Variants in TBC1D32 observed in about 807,000 individuals in gnomAD.
TBC1D32 encodes the protein protein broad-minded.
Under a neutral mutation model 170.3 loss-of-function variants are expected in TBC1D32, and 151 were observed. The ratio of observed to expected loss-of-function variants is 0.89; its 90% CI spans 0.78 to 1.01. TBC1D32 has a LOEUF of 1.01. TBC1D32 is among the 50% of genes least tolerant of loss of function. The probability of loss-of-function intolerance (pLI) is 0.00; values close to 1 mark genes in which losing one functional copy is unlikely to be tolerated. For missense variants in TBC1D32, 1,464 were observed against 1,457.1 expected (o/e 1.00, Z -0.08); for synonymous variants, 498 against 488.0 (o/e 1.02, Z -0.27).
intron 15 of TBC1D32, among the ~76,000 whole-genome samples, chr6:121,264,497 C>G (rs888696639): frequency 6.6e-6 from 1 of 152,128 alleles, no homozygotes; most frequent in African/African-American, 2.4e-5. Flanking sequence ...CCAAGAGGAG[C>G]TGGTACCATT....
intron 15 of TBC1D32, among the ~76,000 whole-genome samples, chr6:121,276,103 G>C (rs1802170015): frequency 1.5e-5 from 2 of 137,778 alleles, no homozygotes; most frequent in African/African-American, 5.4e-5. Context: ...CTGGGCAACA[G>C]AGTGAGACCT....
At chr6:121,140,942 C>T (rs1280594131) in intron 24 of TBC1D32, among the ~76,000 whole-genome samples, 1 of 152,026 alleles carries the variant, frequency 6.6e-6, no homozygotes. Context: ...TTAGATTAGC[C>T]TGAACAAAAG....
chr6:121,106,269 T>G, intron 29 of TBC1D32, 106 bp from the exon 30 acceptor site: 1 of 582,716 alleles, frequency 1.7e-6, no homozygotes, highest in Non-Finnish European at 2.4e-6. Context: ...TGTAAATTGC[T>G]GCTTCAAAAT....
rs148904890 is a variant in TBC1D32, at chr6:121,148,768, C to T, written c.2773+11242G>A. ...AGCTGGGATTACAGGCATGTGCCAC[C>T]ATGCCCAGCGAATGTTTGGATTTTT... is the stretch of plus-strand genomic sequence containing the variant. On this transcript the variant is annotated intron_variant, in intron 24 of 31. Coordinates refer to ENST00000398212, the MANE Select transcript of TBC1D32 (RefSeq NM_152730.6). 6.9e-3 allele frequency among the ~76,000 whole-genome samples: 1,055 copies of T among 152,196 alleles called. 11 individuals are homozygous for T. The highest frequency in any genetic ancestry group is 0.048 in the Middle Eastern group (14 of 294).
At chr6:121,256,754 C>G (rs1241002845) in intron 15 of TBC1D32, among the ~76,000 whole-genome samples, 2 of 151,444 alleles carry the variant, frequency 1.3e-5, no homozygotes, top group Non-Finnish European at 2.9e-5. Flanking sequence ...TTGGCTCACT[C>G]TGCCTGCTGG....
chr6:121,244,563 T>C (rs1797378018), intron 17 of TBC1D32, among the ~76,000 whole-genome samples: 1 of 152,144 alleles, frequency 6.6e-6, no homozygotes, highest in South Asian at 2.1e-4. Context: ...GCTGTGTTTT[T>C]AGTTTGAAAT....
rs1783531567 is a variant in TBC1D32 at position 121,146,975 on chromosome 6, T to C, written c.2773+13035A>G. Among the ~76,000 whole-genome samples, 4 of 152,184 alleles carry C rather than the reference T, an allele frequency of 2.6e-5. No homozygotes were observed. In the South Asian group the frequency reaches 8.3e-4, roughly 32 times the overall value. On this transcript the variant is annotated intron_variant, in intron 24 of 31. Coordinates refer to ENST00000398212, the MANE Select transcript of TBC1D32 (RefSeq NM_152730.6). ...TCATCCCATGCTCCCCCTTCCTCCC[T>C]CCATCACCCTATCTAGTAGTCCCTA...
chr6:121,162,020 T>A (rs1785748467), intron 22 of TBC1D32, among the ~76,000 whole-genome samples: 1 of 152,244 alleles, frequency 6.6e-6, no homozygotes, highest in Admixed American at 6.5e-5. Context: ...GCCCACTTTT[T>A]AATGGGACTG....
chr6:121,290,375 T>C (rs1238246078), intron 12 of TBC1D32, among the ~76,000 whole-genome samples: 1 of 152,144 alleles, frequency 6.6e-6, no homozygotes, highest in African/African-American at 2.4e-5. Context: ...AAGACATTTA[T>C]GCAGCCAAAA....
chr6:121,212,212 G>A (rs763725338), intron 21 of TBC1D32, among the ~76,000 whole-genome samples: 11 of 152,014 alleles, frequency 7.2e-5, no homozygotes, highest in Middle Eastern at 3.4e-3. Context: ...AACAAGCTCC[G>A]AAATTGAATC....
At chr6:121,208,899 T>C (rs949158871) in intron 21 of TBC1D32, among the ~76,000 whole-genome samples, 3 of 152,016 alleles carry the variant, frequency 2.0e-5, no homozygotes, top group East Asian at 3.9e-4. Flanking sequence ...TGGTAATGTG[T>C]TACGACAGAC....
chr6:121,208,268 A>T lies in TBC1D32; in HGVS notation c.2482-3105T>A, dbSNP rs547643098. ...ATACCTGAGACTGGGTAATTTATTT[A>T]AAAAAAAAGGAGGTTTAATTAACTC... On this transcript the variant is annotated intron_variant, in intron 21 of 31. Transcript: ENST00000398212. Among the ~76,000 whole-genome samples, 322 of 150,942 alleles carry T rather than the reference A, an allele frequency of 2.1e-3. 1 individual carries two copies. The highest frequency in any genetic ancestry group is 6.8e-3 in the African/African-American group (281 of 41,172).
At chr6:121,292,591 C>G (rs1022981980) in intron 11 of TBC1D32, among the ~76,000 whole-genome samples, 1 of 152,126 alleles carries the variant, frequency 6.6e-6, no homozygotes, top group African/African-American at 2.4e-5. Flanking sequence ...TTAACAAGCA[C>G]GTCTAAGTGA....
chr6:121,178,322 C>T (rs1788042063), intron 22 of TBC1D32, among the ~76,000 whole-genome samples: 1 of 151,978 alleles, frequency 6.6e-6, no homozygotes, highest in South Asian at 2.1e-4. Flanking sequence ...GTTATGGTGA[C>T]ATGAGAAATC....
In TBC1D32 at chr6:121,259,499, C is replaced by G. The variant is rs1027876153; in HGVS notation, c.1734-3214G>C. ...AAAAACAGTTGTTATTGATAAAGAC[C>G]TCTAGTGAAATATGGCAGACTGAAC... On this transcript the variant is annotated intron_variant, in intron 15 of 31. Coordinates refer to ENST00000398212, the MANE Select transcript of TBC1D32 (RefSeq NM_152730.6). Among the ~76,000 whole-genome samples, 7 of 151,934 alleles carry G rather than the reference C, an allele frequency of 4.6e-5. No individual in the cohort carries two copies. In the South Asian group the frequency reaches 1.0e-3, roughly 23 times the overall value.
chr6:121,143,929 A>T (rs1482300462), intron 24 of TBC1D32, among the ~76,000 whole-genome samples: 2 of 152,102 alleles, frequency 1.3e-5, no homozygotes, highest in African/African-American at 2.4e-5. Flanking sequence ...ATGGTCAGTG[A>T]CACAGATATC....
At chr6:121,135,873 A>G (rs1488346780) in intron 24 of TBC1D32, among the ~76,000 whole-genome samples, 1 of 152,146 alleles carries the variant, frequency 6.6e-6, no homozygotes, top group Non-Finnish European at 1.5e-5. Flanking sequence ...AAAGTAAGGC[A>G]ATTATACATC....
intron 30 of TBC1D32, among the ~76,000 whole-genome samples, chr6:121,101,829 T>C (rs1224723788): frequency 5.9e-5 from 9 of 151,994 alleles, no homozygotes; most frequent in Non-Finnish European, 1.2e-4. Flanking sequence ...GATTGTATAT[T>C]TAGAAAACCC....
At chr6:121,243,990 C>T (rs1015644264) in intron 17 of TBC1D32, among the ~76,000 whole-genome samples, 1 of 151,908 alleles carries the variant, frequency 6.6e-6, no homozygotes, top group African/African-American at 2.4e-5. Context: ...CTTTCCTCTA[C>T]TATAAAGGCA....
Sources: allele counts gnomAD v4.1 joint callset (sites outside exome capture counted in the v4.1 genomes callset), GRCh38; gene constraint gnomAD v4.1.1; transcripts MANE v1.5; gene names NCBI Gene and HGNC (gene_info 2026-07-23, HGNC 2026-07-21).